Variants in TMPRSS9 observed in about 807,000 individuals in gnomAD.
TMPRSS9 encodes the protein transmembrane protease serine 9.
Under a neutral mutation model 111.4 loss-of-function variants are expected in TMPRSS9, and 113 were observed. That is an observed-to-expected ratio of 1.01 (90% CI 0.87 to 1.19). The LOEUF (loss-of-function observed/expected upper bound fraction) is 1.19, where lower values mean the gene tolerates loss of function less well. TMPRSS9 is among the 50% of genes most tolerant of loss of function. The pLI, the probability that TMPRSS9 is intolerant of heterozygous loss-of-function variation, is 0.00. For missense variants in TMPRSS9, 1,803 were observed against 1,513.1 expected (o/e 1.19, Z -3.18); for synonymous variants, 805 against 659.1 (o/e 1.22, Z -3.39).
chr19:2,415,362 G>A (rs1486400428), intron 10 of TMPRSS9, among the ~76,000 whole-genome samples: 1 of 152,252 alleles, frequency 6.6e-6, no homozygotes, highest in East Asian at 1.9e-4. Flanking sequence ...GTCTTTGCAA[G>A]GAGGCCATAA....
chr19:2,402,157 C>G, intron 5 of TMPRSS9, 141 bp downstream of exon 6: 1 of 598,520 alleles, frequency 1.7e-6, no homozygotes, highest in Non-Finnish European at 2.8e-6. Context: ...CTTCAGGAGG[C>G]TGAGGCAGGA....
In TMPRSS9 at chr19:2,389,903, G is replaced by A. The variant is rs368830380; in HGVS notation, c.118G>A (p.Val40Ile). 1.1e-4 allele frequency: 179 copies of A among 1,612,634 alleles called. No homozygotes were observed. The highest frequency in any genetic ancestry group is 2.8e-4 in the African/African-American group (21 of 75,024). ...TGGCGTGGTGGCCACCAGCCTTGTCGTCCTCACCCTGGGAGTCCTTTTGGG... is the reference window on the plus strand; with the variant it reads ...TGGCGTGGTGGCCACCAGCCTTGTCATCCTCACCCTGGGAGTCCTTTTGGG... Residue 40 changes from valine to isoleucine, a missense_variant, in exon 1 of 18, where the codon GTC becomes ATC. Val to Ile is a conservative substitution (Grantham distance 29). Coordinates refer to ENST00000648592, the Ensembl canonical transcript of TMPRSS9.
intron 1 of TMPRSS9, among the ~76,000 whole-genome samples, chr19:2,375,837 C>A (rs187444762): frequency 3.9e-5 from 6 of 152,134 alleles, no homozygotes; most frequent in Admixed American, 6.6e-5. Flanking sequence ...CAAAGCAGAT[C>A]AACGACCTGG....
At chr19:2,425,955 G>C (rs1412669527) in exon 18 of TMPRSS9, 1 of 1,602,882 alleles carries the variant, frequency 6.2e-7, no homozygotes, top group Admixed American at 1.8e-5. Context: ...CTGGCCTGCA[G>C]GGAGCCCTCT....
At chr19:2,370,762 A>G (rs1232609559) in intron 1 of TMPRSS9, among the ~76,000 whole-genome samples, 1 of 152,040 alleles carries the variant, frequency 6.6e-6, no homozygotes, top group Non-Finnish European at 1.5e-5. Context: ...TATATTGCCC[A>G]GACTGGACAA....
chr19:2,361,587 C>T (rs1157124820), intron 1 of TMPRSS9, among the ~76,000 whole-genome samples: 1 of 152,116 alleles, frequency 6.6e-6, no homozygotes, highest in Non-Finnish European at 1.5e-5. Flanking sequence ...GGCAGGAAAC[C>T]CAGGCTGGGG....
chr19:2,372,157 C>T (rs1457370004), intron 1 of TMPRSS9, among the ~76,000 whole-genome samples: 1 of 152,146 alleles, frequency 6.6e-6, no homozygotes, highest in Non-Finnish European at 1.5e-5. Flanking sequence ...TGCCTGGCCC[C>T]TTCTTTTTTC....
intron 1 of TMPRSS9, among the ~76,000 whole-genome samples, chr19:2,370,181 C>T (rs1257011702): frequency 6.6e-6 from 1 of 152,026 alleles, no homozygotes; most frequent in Non-Finnish European, 1.5e-5. Flanking sequence ...TGCACTCTAG[C>T]CTGGGTGACA....
At chr19:2,369,439 G>T (rs1438556628) in intron 1 of TMPRSS9, among the ~76,000 whole-genome samples, 1 of 151,850 alleles carries the variant, frequency 6.6e-6, no homozygotes, top group African/African-American at 2.4e-5. Flanking sequence ...GTTTGTTTAA[G>T]ACAGGGTCTT....
chr19:2,394,036 AC>A (rs1970656329), intron 1 of TMPRSS9, among the ~76,000 whole-genome samples: 1 of 152,036 alleles, frequency 6.6e-6, no homozygotes, highest in Non-Finnish European at 1.5e-5. Context: ...CCCCGTCTCT[AC>A]TAAAATACAA....
At chr19:2,402,974 A>T (rs1732207260) in intron 5 of TMPRSS9, 108 bp from the exon 7 acceptor site, 2 of 778,826 alleles carry the variant, frequency 2.6e-6, no homozygotes, top group African/African-American at 1.7e-5. Context: ...AAGGAGAGAG[A>T]GAGTTTCCAC....
chr19:2,375,305 A>G (rs1216670936), intron 1 of TMPRSS9, among the ~76,000 whole-genome samples: 1 of 152,198 alleles, frequency 6.6e-6, no homozygotes, highest in African/African-American at 2.4e-5. Context: ...GATCCAAAAG[A>G]ACTTGGTGTC....
intron 1 of TMPRSS9, among the ~76,000 whole-genome samples, chr19:2,365,152 G>GT (rs961061669): frequency 6.6e-6 from 1 of 151,980 alleles, no homozygotes; most frequent in Non-Finnish European, 1.5e-5. Flanking sequence ...TAATCTCTGC[G>GT]TTTTCCTCTG....
intron 17 of TMPRSS9, 51 bp from the exon 19 acceptor site, chr19:2,425,876 G>A (rs927305019): frequency 5.2e-6 from 8 of 1,534,340 alleles, no homozygotes; most frequent in Non-Finnish European, 7.0e-6. Context: ...CCCAAGGGCT[G>A]CTGTAGGGGA....
chr19:2,394,960 T>A (rs1970677176), intron 1 of TMPRSS9, among the ~76,000 whole-genome samples: 1 of 152,246 alleles, frequency 6.6e-6, no homozygotes, highest in Non-Finnish European at 1.5e-5. Context: ...CTTTGTACTT[T>A]GGACACAACA....
chr19:2,372,331 C>T (rs1350904494), intron 1 of TMPRSS9, among the ~76,000 whole-genome samples: 1 of 146,646 alleles, frequency 6.8e-6, no homozygotes, highest in African/African-American at 2.7e-5. Context: ...TCACATATCT[C>T]TCAAACCCGG....
chr19:2,425,425 T>C, exon 17 of TMPRSS9: 1 of 1,588,200 alleles, frequency 6.3e-7, no homozygotes. Flanking sequence ...CCGCCGCTTC[T>C]ACCCAGTGCA....
At chr19:2,370,446 G>A (rs78040918) in intron 1 of TMPRSS9, among the ~76,000 whole-genome samples, 10,069 of 149,596 alleles carry the variant, frequency 0.067, 1,164 homozygotes, top group African/African-American at 0.23. Context: ...AAAAAAGTGG[G>A]TAGGTTGGCC....
chr19:2,424,373 C>T (rs1409737043), intron 15 of TMPRSS9, 116 bp downstream of exon 16: 2 of 1,137,484 alleles, frequency 1.8e-6, no homozygotes. Flanking sequence ...CTCCCCAACC[C>T]CGGCTCCCAC....
Sources: gnomAD v4.1 joint callset for allele counts (sites outside exome capture counted in the v4.1 genomes callset) on GRCh38, gnomAD v4.1.1 for gene constraint, MANE v1.5 for transcripts, NCBI Gene and HGNC (gene_info 2026-07-23, HGNC 2026-07-21) for gene names.